Variants in SORCS1 observed in about 807,000 individuals in gnomAD.
The protein encoded by SORCS1 is VPS10 domain-containing receptor SorCS1.
Under a neutral mutation model 146.1 loss-of-function variants are expected in SORCS1, and 60 were observed. That is an observed-to-expected ratio of 0.41 (90% confidence interval 0.33 to 0.51). The LOEUF (loss-of-function observed/expected upper bound fraction) is 0.51, where lower values mean the gene tolerates loss of function less well. Ranked by LOEUF, SORCS1 falls within the 20% of genes least tolerant of loss-of-function variation. The pLI is 0.21. For synonymous variants in SORCS1, 637 were observed against 584.0 expected (o/e 1.09, Z -1.31); for missense variants, 1,352 against 1,487.6 (o/e 0.91, Z 1.50).
chr10:106,580,358 C>T (rs1411561016), intron 24 of SORCS1, among the ~76,000 whole-genome samples: 6 of 152,126 alleles, frequency 3.9e-5, no homozygotes, highest in Non-Finnish European at 8.8e-5. Flanking sequence ...AAAGAGTCTC[C>T]CTCCCTGAGT....
At chr10:107,117,472 C>T (rs1057003669) in intron 1 of SORCS1, among the ~76,000 whole-genome samples, 4 of 152,064 alleles carry the variant, frequency 2.6e-5, no homozygotes, top group Non-Finnish European at 4.4e-5. Flanking sequence ...GAGATCAGGG[C>T]CCCCCAGAAC....
chr10:107,105,934 A>C (rs1463404834), intron 1 of SORCS1, among the ~76,000 whole-genome samples: 1 of 152,184 alleles, frequency 6.6e-6, no homozygotes, highest in East Asian at 1.9e-4. Context: ...GTAATTCTTG[A>C]TGGCTGAAGC....
chr10:106,818,105 G>T (rs1947830400), intron 3 of SORCS1, among the ~76,000 whole-genome samples: 1 of 152,128 alleles, frequency 6.6e-6, no homozygotes. Flanking sequence ...GCACAAGCCA[G>T]GTGTTCAATA....
chr10:106,859,929 G>T (rs963155400), intron 2 of SORCS1, among the ~76,000 whole-genome samples: 2 of 152,196 alleles, frequency 1.3e-5, no homozygotes, highest in African/African-American at 4.8e-5. Flanking sequence ...AATCCAGAAG[G>T]TGCTCAGTGT....
intron 1 of SORCS1, among the ~76,000 whole-genome samples, chr10:106,996,675 AGGCATCCCAATGATATCACAGCAGG>A (rs1401737753): frequency 4.6e-5 from 7 of 152,188 alleles, no homozygotes; most frequent in African/African-American, 1.7e-4. Flanking sequence ...TTTGCAAATG[AGGCATCCCAATGATATCACAGCAGG>A]CAAGAAAAGT....
Position 106,728,524 on chromosome 10 carries a change from C to G in SORCS1, c.1024+1526G>C, listed in dbSNP as rs77741247. ...AGAGGATGATGGTCAGCCTTGATCCCTAACCTGTGCCCCAACTGACTCTGT... is the reference window on the plus strand; with the variant it reads ...AGAGGATGATGGTCAGCCTTGATCCGTAACCTGTGCCCCAACTGACTCTGT... On this transcript the variant is annotated intron_variant, in intron 6 of 25. Transcript: ENST00000263054. Among the ~76,000 whole-genome samples the G allele has an allele frequency of 3.9e-5, 6 of 152,270 alleles. No individual in the cohort carries two copies. The East Asian group carries it at 1.2e-3, about 29-fold the overall frequency.
intron 1 of SORCS1, among the ~76,000 whole-genome samples, chr10:107,006,031 C>T (rs967946026): frequency 1.3e-5 from 2 of 152,132 alleles, no homozygotes; most frequent in African/African-American, 4.8e-5. Context: ...TTCATATTTC[C>T]CTACATTGTC....
At chr10:107,052,118 T>C (rs1960178897) in intron 1 of SORCS1, among the ~76,000 whole-genome samples, 1 of 152,190 alleles carries the variant, frequency 6.6e-6, no homozygotes, top group Non-Finnish European at 1.5e-5. Context: ...GCAGGTTTCA[T>C]TAGCAAGCTG....
At chr10:106,883,417 ATT>A (rs11396800) in intron 2 of SORCS1, among the ~76,000 whole-genome samples, 21 of 144,004 alleles carry the variant, frequency 1.5e-4, no homozygotes, top group East Asian at 1.2e-3. Flanking sequence ...TAGCAAATGT[ATT>A]TTTTTTTTTT....
In SORCS1 at chr10:106,753,474, G is replaced by A. The variant is rs930348940; in HGVS notation, c.959+8114C>T. ...AGGGATAAAAACCTGAAGTTGGCTC[G>A]GCAGCAATATTCAACAAGGCCTTGA... On this transcript the variant is annotated intron_variant, in intron 5 of 25. Coordinates refer to ENST00000263054, the MANE Select transcript of SORCS1 (RefSeq NM_052918.5). Among the ~76,000 whole-genome samples, 6 of 152,174 alleles carry A rather than the reference G, an allele frequency of 3.9e-5. No individual in the cohort carries two copies. The East Asian group carries it at 7.7e-4, about 20-fold the overall frequency.
At chr10:107,174,301 G>T in the SORCS1 span, among the ~76,000 whole-genome samples, 4 of 152,112 alleles carry the variant, frequency 2.6e-5, no homozygotes, top group Non-Finnish European at 5.9e-5. Flanking sequence ...CGCCTCCCGG[G>T]TTCACGCCGT....
At chr10:106,669,501 C>T (rs772162594) in intron 16 of SORCS1, among the ~76,000 whole-genome samples, 3 of 152,146 alleles carry the variant, frequency 2.0e-5, no homozygotes, top group Admixed American at 6.5e-5. Flanking sequence ...ATACAGTAAA[C>T]GAAGAAGCAG....
intron 2 of SORCS1, among the ~76,000 whole-genome samples, chr10:106,889,588 C>A (rs990837239): frequency 6.6e-6 from 1 of 151,790 alleles, no homozygotes; most frequent in Non-Finnish European, 1.5e-5. Context: ...ACAGGTGAAA[C>A]CCCGTCTCTA....
intron 18 of SORCS1, among the ~76,000 whole-genome samples, chr10:106,634,012 C>G (rs370915512): frequency 6.6e-6 from 1 of 152,146 alleles, no homozygotes; most frequent in African/African-American, 2.4e-5. Flanking sequence ...CAAGCAGATG[C>G]TATTCTTATC....
At chr10:106,704,387 T>C (rs926959681) in intron 8 of SORCS1, among the ~76,000 whole-genome samples, 2 of 152,200 alleles carry the variant, frequency 1.3e-5, no homozygotes, top group African/African-American at 4.8e-5. Context: ...CCAAAACTTA[T>C]GTCACTTAAC....
At chr10:106,991,546 T>A (rs1956771965) in intron 1 of SORCS1, among the ~76,000 whole-genome samples, 1 of 152,246 alleles carries the variant, frequency 6.6e-6, no homozygotes, top group South Asian at 2.1e-4. Flanking sequence ...CTTATGCCTG[T>A]CAGCTTCACT....
chr10:106,697,964 T>C (rs950399105), intron 9 of SORCS1, among the ~76,000 whole-genome samples: 1 of 152,178 alleles, frequency 6.6e-6, no homozygotes, highest in Non-Finnish European at 1.5e-5. Context: ...ATCTGAAACA[T>C]GGGCAGGAGA....
At chr10:106,783,518 G>C (rs1474606221) in intron 3 of SORCS1, among the ~76,000 whole-genome samples, 2 of 152,030 alleles carry the variant, frequency 1.3e-5, no homozygotes, top group East Asian at 3.8e-4. Flanking sequence ...GAGAGGGAAA[G>C]AGATTTAAAT....
intron 3 of SORCS1, among the ~76,000 whole-genome samples, chr10:106,803,140 G>A (rs1589918307): frequency 6.6e-6 from 1 of 152,044 alleles, no homozygotes; most frequent in South Asian, 2.1e-4. Flanking sequence ...CAGACCTTGG[G>A]CCCAAACCTC....
Sources: gnomAD v4.1 joint callset for allele counts (sites outside exome capture counted in the v4.1 genomes callset) on GRCh38, gnomAD v4.1.1 for gene constraint, MANE v1.5 for transcripts, NCBI Gene and HGNC (gene_info 2026-07-23, HGNC 2026-07-21) for gene names.